The following ANKRD30B variants were observed in gnomAD, a reference collection of about 807,000 sequenced individuals.
ANKRD30B encodes ankyrin repeat domain 30B, also known as ankyrin repeat domain-containing protein 30B.
A neutral mutation model predicts 202.2 loss-of-function variants in ANKRD30B; 144 were observed. The observed-to-expected ratio is 0.71, with a 90% CI of 0.62 to 0.82. The LOEUF (loss-of-function observed/expected upper bound fraction) is 0.82. Among genes scored for constraint, ANKRD30B ranks in the 40% least tolerant of loss-of-function variants. The probability of loss-of-function intolerance (pLI) is 0.00; values close to 1 mark genes in which losing one functional copy is unlikely to be tolerated. For synonymous variants in ANKRD30B, 508 were observed against 561.3 expected (o/e 0.91, Z 1.34); for missense variants, 1,487 against 1,669.1 (o/e 0.89, Z 1.90).
At chr18:14,884,088 G>T in the ANKRD30B span, 1 of 135,108 alleles carries the variant, frequency 7.4e-6, no homozygotes, top group East Asian at 2.1e-4. Flanking sequence ...CCCTCCTCAT[G>T]AGTGTAGGCA....
At chr18:14,754,159 G>A (rs776844378) in intron 3 of ANKRD30B, among the ~76,000 whole-genome samples, 3 of 152,068 alleles carry the variant, frequency 2.0e-5, no homozygotes, top group Non-Finnish European at 4.4e-5. Flanking sequence ...TTGATTTAGA[G>A]CCACTTCCTT....
chr18:14,898,620 C>A, the ANKRD30B span, among the ~76,000 whole-genome samples: 3 of 152,050 alleles, frequency 2.0e-5, no homozygotes, highest in African/African-American at 7.3e-5. Context: ...ATTAAACATT[C>A]GATTCCTTTT....
At chr18:14,788,274 GC>G (rs1968219093) in intron 15 of ANKRD30B, among the ~76,000 whole-genome samples, 1 of 152,150 alleles carries the variant, frequency 6.6e-6, no homozygotes, top group African/African-American at 2.4e-5. Context: ...TTTGAAATAT[GC>G]ACGTGTGAAT....
the ANKRD30B span, among the ~76,000 whole-genome samples, chr18:14,910,380 C>T: frequency 6.6e-6 from 1 of 151,874 alleles, no homozygotes; most frequent in East Asian, 1.9e-4. Flanking sequence ...ATAATGGCCT[C>T]CAGTTTCATC....
chr18:14,877,191 G>A, the ANKRD30B span, among the ~76,000 whole-genome samples: 1 of 152,244 alleles, frequency 6.6e-6, no homozygotes, highest in Non-Finnish European at 1.5e-5. Context: ...AATCTGATTT[G>A]ACTTCCACTT....
the ANKRD30B span, among the ~76,000 whole-genome samples, chr18:14,910,484 A>AATATATATAT: frequency 2.1e-4 from 31 of 147,660 alleles, no homozygotes; most frequent in African/African-American, 6.4e-4. Context: ...ACAATGTAAA[A>AATATATATAT]ATATATATAT....
At chr18:14,831,606 TA>T (rs1197309667) in intron 34 of ANKRD30B, among the ~76,000 whole-genome samples, 151 bp downstream of exon 34, 1 of 152,118 alleles carries the variant, frequency 6.6e-6, no homozygotes, top group Non-Finnish European at 1.5e-5. Context: ...GAAATATGAG[TA>T]GTTGATTTAA....
chr18:14,889,967 T>G, the ANKRD30B span: 1 of 822,842 alleles, frequency 1.2e-6, no homozygotes, highest in African/African-American at 1.8e-5. Flanking sequence ...AAATTAAGCC[T>G]AAGCGATCAA....
the ANKRD30B span, chr18:14,890,115 T>G: frequency 2.1e-6 from 2 of 936,470 alleles, no homozygotes; most frequent in South Asian, 2.6e-5. Context: ...CAGAAAGACA[T>G]GTCAGGTATT....
chr18:14,820,908 C>A (rs1251015936), intron 30 of ANKRD30B, among the ~76,000 whole-genome samples: 2 of 152,054 alleles, frequency 1.3e-5, no homozygotes, highest in Admixed American at 6.6e-5. Flanking sequence ...CCCTCTTTTT[C>A]TATTGATTGG....
In ANKRD30B at chr18:14,815,412, T is replaced by C. The variant is rs1970033683; in HGVS notation, c.2641+701T>C. Among the ~76,000 whole-genome samples the C allele has an allele frequency of 3.3e-5, 5 of 152,122 alleles. No individual in the cohort carries two copies. In the South Asian group the frequency reaches 6.2e-4, roughly 19 times the overall value. On this transcript the variant is annotated intron_variant, in intron 30 of 43. Transcript: ENST00000690538. ...CAGCCGACTAGGGATTCTGCATTTT[T>C]AGTAAGTTGTCAGGCGATGCTGATG...
the ANKRD30B span, among the ~76,000 whole-genome samples, chr18:14,895,589 T>G: frequency 2.0e-5 from 3 of 152,210 alleles, 1 homozygote; most frequent in African/African-American, 7.2e-5. Context: ...TTATAGAAGC[T>G]TTATTCGTAT....
At chr18:14,869,874 G>A in the ANKRD30B span, among the ~76,000 whole-genome samples, 7 of 151,898 alleles carry the variant, frequency 4.6e-5, no homozygotes, top group East Asian at 1.9e-4. Flanking sequence ...TCACTCTGTC[G>A]CCCAGGCTGG....
chr18:14,897,832 C>T, the ANKRD30B span, among the ~76,000 whole-genome samples: 1 of 152,160 alleles, frequency 6.6e-6, no homozygotes. Context: ...AACATGCAGC[C>T]AGAATCTGCT....
the ANKRD30B span, among the ~76,000 whole-genome samples, chr18:14,864,710 C>A: frequency 2.2e-4 from 34 of 151,846 alleles, 1 homozygote; most frequent in South Asian, 7.1e-3. Flanking sequence ...TTTCCCTCAT[C>A]TTTTCCCAAA....
In ANKRD30B at chr18:14,784,501, C is replaced by G. The variant is rs1967951498; in HGVS notation, c.1638C>G (p.Ala546=). The G allele has an allele frequency of 6.2e-7, 1 of 1,613,018 alleles. No homozygotes were observed. Among genetic ancestry groups the G allele is most frequent in the African/African-American group, 1.3e-5 (1 of 74,974 alleles). The change falls in exon 14 of 44, where the codon GCC becomes GCG. Residue 546 remains alanine (A), a synonymous_variant. Coordinates refer to ENST00000690538, the MANE Select transcript of ANKRD30B (RefSeq NM_001367607.2). ...VEMQKTVPNK[A]FELKNEQTLR... is the part of the protein sequence containing the mutation. ...TGCAAAAGACTGTTCCAAATAAAGC[C>G]TTTGAATTGAAGAATGAACAAACAT... is the stretch of plus-strand genomic sequence containing the variant.
chr18:14,754,428 T>G (rs2143652224), intron 3 of ANKRD30B, among the ~76,000 whole-genome samples: 1 of 152,304 alleles, frequency 6.6e-6, no homozygotes, highest in South Asian at 2.1e-4. Flanking sequence ...ATAATATTTC[T>G]TGAACATAGA....
chr18:14,756,808 C>T (rs568541316), intron 4 of ANKRD30B, among the ~76,000 whole-genome samples: 23 of 152,134 alleles, frequency 1.5e-4, no homozygotes, highest in Non-Finnish European at 2.9e-4. Flanking sequence ...ACGAGAATCG[C>T]TTGAACCCAG....
At chr18:14,787,407 C>A (rs948242019) in intron 15 of ANKRD30B, among the ~76,000 whole-genome samples, 2 of 152,172 alleles carry the variant, frequency 1.3e-5, no homozygotes, top group Non-Finnish European at 2.9e-5. Context: ...AAGAATTACA[C>A]TGAGTCCAGC....
Sources: allele counts gnomAD v4.1 joint callset (sites outside exome capture counted in the v4.1 genomes callset), GRCh38; gene constraint gnomAD v4.1.1; transcripts MANE v1.5; gene names NCBI Gene and HGNC (gene_info 2026-07-23, HGNC 2026-07-21).